Variants in HLTF observed in about 807,000 individuals in gnomAD.
The protein encoded by HLTF is DNA-dependent ATPase/E3 ubiquitin-protein ligase HLTF.
A neutral mutation model predicts 129.4 loss-of-function variants in HLTF; 127 were observed. The observed-to-expected ratio is 0.98, with a 90% CI of 0.85 to 1.14. HLTF has a LOEUF of 1.14. Among genes scored for constraint, HLTF ranks in the 50% most tolerant of loss-of-function variants. HLTF has a pLI of 0.00. For synonymous variants in HLTF, 332 were observed against 388.8 expected (o/e 0.85, Z 1.72); for missense variants, 1,139 against 1,187.1 (o/e 0.96, Z 0.60).
rs779887716 is a variant in HLTF at position 149,048,153 on chromosome 3, GATTGGAGT to G, written c.1759_1766del (p.Thr587ProfsTer17). ...ACCACAAGTCCTTTAAAGAATTCTG[GATTGGAGT>G]ACCTAGAAATAACAGGAAACTGTTA... On this transcript the variant is annotated frameshift_variant and splice_region_variant, in exon 17 of 25. Coordinates refer to ENST00000310053, the MANE Select transcript of HLTF (RefSeq NM_003071.4). LOFTEE classifies it high-confidence loss of function. 6.2e-7 allele frequency: 1 copy of G among 1,605,742 alleles called. No individual in the cohort carries two copies. The highest frequency in any genetic ancestry group is 8.5e-7 in the Non-Finnish European group (1 of 1,177,070).
intron 10 of HLTF, among the ~76,000 whole-genome samples, chr3:149,062,250 A>C (rs965503077): frequency 6.6e-6 from 1 of 152,178 alleles, no homozygotes; most frequent in African/African-American, 2.4e-5. Flanking sequence ...AGTTTTTCTC[A>C]TGTCCTCACC....
intron 14 of HLTF, among the ~76,000 whole-genome samples, chr3:149,054,193 T>G (rs1414436618): frequency 1.3e-5 from 2 of 152,166 alleles, no homozygotes; most frequent in Non-Finnish European, 2.9e-5. Context: ...CAAGCCAGAT[T>G]ACAATGAATT....
At position 149,032,278 on chromosome 3, in the gene HLTF, T is replaced by C. The variant is rs200936969; in HGVS notation, c.2972A>G (p.Asn991Ser). 1 of 1,601,790 alleles carries C rather than the reference T, an allele frequency of 6.2e-7. No homozygotes were observed. The highest frequency in any genetic ancestry group is 1.7e-5 in the Admixed American group (1 of 57,416). ...TTTGGCTTGTTTCATTTCGTCAGCA[T>C]TTGGTTTTTTAGTTCCAAAGGCTCC... ...AAGAFGTKKP[N>S]ADEMKQAKIN... The change falls in exon 25 of 25, where the codon AAT becomes AGT. Residue 991 changes from asparagine to serine, a missense_variant. Coordinates refer to ENST00000310053, the MANE Select transcript of HLTF (RefSeq NM_003071.4).
At chr3:149,065,983 A>G (rs1199728518) in intron 8 of HLTF, among the ~76,000 whole-genome samples, 1 of 152,218 alleles carries the variant, frequency 6.6e-6, no homozygotes. Flanking sequence ...AACCATTTAT[A>G]TTAAACAGTA....
At chr3:149,057,404 C>T (rs1298870847) in intron 13 of HLTF, among the ~76,000 whole-genome samples, 2 of 152,020 alleles carry the variant, frequency 1.3e-5, no homozygotes, top group South Asian at 2.1e-4. Context: ...CTAGCCTGGG[C>T]GACAGAGTGA....
intron 16 of HLTF, among the ~76,000 whole-genome samples, 185 bp downstream of exon 16, chr3:149,048,678 A>C (rs1716745900): frequency 6.6e-6 from 1 of 152,232 alleles, no homozygotes; most frequent in Non-Finnish European, 1.5e-5. Context: ...ATTATCAATA[A>C]GTCAAATGTT....
chr3:149,045,969 A>G lies in HLTF; in HGVS notation c.2072+111T>C, dbSNP rs1716514916. The G allele has an allele frequency of 4.2e-6, 3 of 709,076 alleles. No homozygotes were observed. In the South Asian group the frequency reaches 6.2e-5, roughly 15 times the overall value. 43.9% of individuals were successfully genotyped at this position (709,076 alleles called of 1,614,324 possible). A position where few individuals can be genotyped will look rare whatever the true frequency, so the allele number is the denominator to read the frequency against. On this transcript the variant is annotated intron_variant, in intron 18 of 24. Transcript: ENST00000310053. ...ACACTGTAATTCATAGAAGCAAATTATCTTTCAGTATACTTCAAACTATTG... is the reference window on the plus strand; with the variant it reads ...ACACTGTAATTCATAGAAGCAAATTGTCTTTCAGTATACTTCAAACTATTG...
chr3:149,085,180 T>C (rs1402840474), intron 1 of HLTF, among the ~76,000 whole-genome samples: 1 of 152,158 alleles, frequency 6.6e-6, no homozygotes, highest in Non-Finnish European at 1.5e-5. Flanking sequence ...TAAATTGATA[T>C]GTATATGATG....
At chr3:149,074,011 T>TA (rs1318104894) in intron 4 of HLTF, among the ~76,000 whole-genome samples, 1 of 152,152 alleles carries the variant, frequency 6.6e-6, no homozygotes, top group African/African-American at 2.4e-5. Context: ...CCCTCACTCT[T>TA]ACTGTGTATA....
intron 5 of HLTF, among the ~76,000 whole-genome samples, chr3:149,072,795 T>C (rs1348512079): frequency 2.0e-5 from 3 of 152,240 alleles, no homozygotes; most frequent in South Asian, 2.1e-4. Context: ...TACTTTTTTT[T>C]CAAAGAAATT....
At chr3:149,064,053 C>T (rs1051718495) in intron 9 of HLTF, among the ~76,000 whole-genome samples, 2 of 152,092 alleles carry the variant, frequency 1.3e-5, no homozygotes, top group Admixed American at 6.6e-5. Context: ...AAGGTATCTT[C>T]CATAAAAATC....
chr3:149,064,706 GA>G, intron 9 of HLTF, 84 bp downstream of exon 9: 3 of 900,496 alleles, frequency 3.3e-6, no homozygotes. Context: ...ATATTAGGCT[GA>G]AAAAACGCAA....
intron 13 of HLTF, among the ~76,000 whole-genome samples, chr3:149,058,771 A>G (rs563706907): frequency 6.6e-6 from 1 of 152,242 alleles, no homozygotes; most frequent in Admixed American, 6.5e-5. Context: ...TCTTTCAAAG[A>G]TATACTTAGT....
Position 149,046,111 on chromosome 3 carries a change from C to T in HLTF, c.2041G>A (p.Val681Met). 6.2e-7 allele frequency: 1 copy of T among 1,609,836 alleles called. No homozygotes were observed. The highest frequency in any genetic ancestry group is 1.1e-5 in the South Asian group (1 of 90,010). The stretch of plus-strand genomic sequence containing the variant: ...ATAGTGGCTCTGCCTTCATTTTTCA[C>T]AGACTGATAAATCTTTCTCTCTTCA... Reference protein sequence around the residue: ...SDEERKIYQSVKNEGRATIGR... With the variant: ...SDEERKIYQSMKNEGRATIGR... The change falls in exon 18 of 25, where the codon GTG (valine) becomes ATG (methionine). Residue 681 changes from valine to methionine, a missense_variant. By Grantham distance (21) the Val-to-Met change is conservative. Transcript: ENST00000310053.
At chr3:149,051,439 T>C (rs1239312353) in intron 14 of HLTF, among the ~76,000 whole-genome samples, 1 of 152,166 alleles carries the variant, frequency 6.6e-6, no homozygotes, top group African/African-American at 2.4e-5. Flanking sequence ...GCTGTAAGAA[T>C]GAATGAAATT....
At chr3:149,060,921 C>T in intron 10 of HLTF, 63 bp from the exon 11 acceptor site, 1 of 1,082,930 alleles carries the variant, frequency 9.2e-7, no homozygotes, top group Non-Finnish European at 1.4e-6. Context: ...GATATACAAA[C>T]ATGTTTAATA....
intron 2 of HLTF, among the ~76,000 whole-genome samples, chr3:149,082,963 T>G (rs566482386): frequency 8.5e-5 from 13 of 152,122 alleles, no homozygotes; most frequent in Non-Finnish European, 1.0e-4. Context: ...TTAAAAATAA[T>G]GAACGTGGCT....
intron 14 of HLTF, among the ~76,000 whole-genome samples, chr3:149,054,845 A>G (rs1381977284): frequency 6.6e-6 from 1 of 152,214 alleles, no homozygotes; most frequent in Non-Finnish European, 1.5e-5. Flanking sequence ...AATCAGGGTA[A>G]CAGTTATGAG....
intron 7 of HLTF, among the ~76,000 whole-genome samples, chr3:149,068,633 T>C (rs1718601456): frequency 6.6e-6 from 1 of 152,226 alleles, no homozygotes; most frequent in Non-Finnish European, 1.5e-5. Context: ...ACTCTTGATT[T>C]TTATCATGCA....
Sources: gnomAD v4.1 joint callset for allele counts (sites outside exome capture counted in the v4.1 genomes callset) on GRCh38, gnomAD v4.1.1 for gene constraint, MANE v1.5 for transcripts, NCBI Gene and HGNC (gene_info 2026-07-23, HGNC 2026-07-21) for gene names.